The following STARD13 variants were observed in gnomAD, a reference collection of about 807,000 sequenced individuals.
STARD13 encodes the protein stAR-related lipid transfer protein 13.
STARD13 carries 62 observed loss-of-function variants against 106.4 expected under a neutral mutation model. The ratio of observed to expected loss-of-function variants is 0.58; its 90% CI spans 0.48 to 0.72. The LOEUF is 0.72. STARD13 is among the 30% of genes least tolerant of loss of function. STARD13 has a pLI of 0.00. For missense variants in STARD13, 1,387 were observed against 1,424.0 expected (o/e 0.97, Z 0.42); for synonymous variants, 565 against 553.0 (o/e 1.02, Z -0.31).
At chr13:33,327,959 T>C (rs919617134) in intron 1 of STARD13, among the ~76,000 whole-genome samples, 1 of 152,252 alleles carries the variant, frequency 6.6e-6, no homozygotes, top group Non-Finnish European at 1.5e-5. Context: ...CAAGTGTTGC[T>C]GAGATAAGGT....
chr13:33,590,799 TACATA>T, the STARD13 span, among the ~76,000 whole-genome samples: 2 of 152,050 alleles, frequency 1.3e-5, no homozygotes, highest in Admixed American at 6.6e-5. Flanking sequence ...GGCACATGTA[TACATA>T]TGTAACACAC....
At chr13:33,114,194 TACTGGCAGGA>T (rs1222188587) in intron 8 of STARD13, among the ~76,000 whole-genome samples, 1 of 152,246 alleles carries the variant, frequency 6.6e-6, no homozygotes, top group African/African-American at 2.4e-5. Context: ...AGATATTTGC[TACTGGCAGGA>T]GTGCATGATA....
chr13:33,347,219 C>G (rs1375178277), downstream of STARD13, among the ~76,000 whole-genome samples: 1 of 152,038 alleles, frequency 6.6e-6, no homozygotes, highest in African/African-American at 2.4e-5. Flanking sequence ...CTTACAATGC[C>G]GTGTTTTTAG....
chr13:33,645,259 C>T, the STARD13 span, among the ~76,000 whole-genome samples: 2 of 152,178 alleles, frequency 1.3e-5, no homozygotes, highest in East Asian at 3.8e-4. Flanking sequence ...TGTACAAAGG[C>T]CTTGCTTAGC....
the STARD13 span, among the ~76,000 whole-genome samples, chr13:33,673,358 G>C: frequency 4.2e-4 from 64 of 152,240 alleles, no homozygotes; most frequent in South Asian, 0.012. Flanking sequence ...GGCCATCTGA[G>C]AGGGCAGGTG....
At chr13:33,605,559 C>T in the STARD13 span, among the ~76,000 whole-genome samples, 2 of 152,034 alleles carry the variant, frequency 1.3e-5, no homozygotes, top group African/African-American at 2.4e-5. Context: ...GTTTTAAGCA[C>T]TTACTCTCGG....
At chr13:33,465,910 A>T in the STARD13 span, among the ~76,000 whole-genome samples, 1 of 152,174 alleles carries the variant, frequency 6.6e-6, no homozygotes, top group Non-Finnish European at 1.5e-5. Context: ...AGTGAAAATT[A>T]TATATACCTA....
At chr13:33,187,681 T>A (rs1399066638) in intron 1 of STARD13, among the ~76,000 whole-genome samples, 2 of 151,668 alleles carry the variant, frequency 1.3e-5, no homozygotes, top group Non-Finnish European at 2.9e-5. Context: ...AAGAAAAAAA[T>A]TTATTTATTT....
At chr13:33,371,879 A>C in the STARD13 span, among the ~76,000 whole-genome samples, 4 of 152,210 alleles carry the variant, frequency 2.6e-5, no homozygotes, top group African/African-American at 9.6e-5. Context: ...GTCATCATGA[A>C]ATTTATTTCT....
At chr13:33,155,330 G>T (rs559737716) in intron 3 of STARD13, 1 of 152,282 alleles carries the variant, frequency 6.6e-6, no homozygotes, top group African/African-American at 2.4e-5. Context: ...TTATTCATAG[G>T]CTGTTATGAA....
chr13:33,466,861 A>G, the STARD13 span, among the ~76,000 whole-genome samples: 86 of 152,352 alleles, frequency 5.6e-4, 1 homozygote, highest in African/African-American at 2.0e-3. Flanking sequence ...CTTCTGTGAA[A>G]TCAAAAGTCT....
intron 4 of STARD13, chr13:33,138,899 AG>A (rs1464725688): frequency 2.1e-6 from 1 of 469,030 alleles, no homozygotes; most frequent in African/African-American, 2.0e-5. Context: ...GTGGGAGGGT[AG>A]CGGTGTTGTC....
chr13:33,350,653 T>C (rs1460477396), upstream of STARD13: 1 of 1,274,094 alleles, frequency 7.8e-7, no homozygotes, highest in Non-Finnish European at 9.9e-7. Context: ...CGCCAACTCC[T>C]CTACTCCTTT....
chr13:33,249,156 G>A (rs142104156), intron 1 of STARD13, among the ~76,000 whole-genome samples: 6 of 152,290 alleles, frequency 3.9e-5, no homozygotes, highest in African/African-American at 1.4e-4. Context: ...TTGGGAACAC[G>A]ATAACATCAT....
chr13:33,307,416 C>T (rs1433727533), intron 1 of STARD13, among the ~76,000 whole-genome samples: 1 of 152,174 alleles, frequency 6.6e-6, no homozygotes, highest in African/African-American at 2.4e-5. Context: ...ACCCAAATGT[C>T]CATCAAGGTT....
At chr13:33,623,428 T>TAAAAAAAAAAAAAAA in the STARD13 span, among the ~76,000 whole-genome samples, 2 of 59,360 alleles carry the variant, frequency 3.4e-5, no homozygotes, top group Admixed American at 2.0e-4. Context: ...CTCAATAAAG[T>TAAAAAAAAAAAAAAA]AAAAAAAAAA....
chr13:33,501,075 C>CA, the STARD13 span, among the ~76,000 whole-genome samples: 6 of 137,676 alleles, frequency 4.4e-5, no homozygotes, highest in Non-Finnish European at 9.1e-5. Flanking sequence ...TCTTCTCTCT[C>CA]TCCTTTTTTT....
At chr13:33,532,659 G>A in the STARD13 span, among the ~76,000 whole-genome samples, 1 of 151,974 alleles carries the variant, frequency 6.6e-6, no homozygotes, top group Non-Finnish European at 1.5e-5. Context: ...AATATACCTG[G>A]GATACTGTGT....
chr13:33,501,034 C>CA, the STARD13 span, among the ~76,000 whole-genome samples: 2 of 142,840 alleles, frequency 1.4e-5, no homozygotes, highest in East Asian at 2.0e-4. Context: ...AAAAAAATAA[C>CA]AAAAAACCCT....
Sources: gnomAD v4.1 joint callset for allele counts (sites outside exome capture counted in the v4.1 genomes callset) on GRCh38, gnomAD v4.1.1 for gene constraint, MANE v1.5 for transcripts, NCBI Gene and HGNC (gene_info 2026-07-23, HGNC 2026-07-21) for gene names.